Variants in AR observed in about 807,000 individuals in gnomAD.
AR encodes dihydrotestosterone receptor.
AR carries 8 observed loss-of-function variants against 53.9 expected under a neutral mutation model. The observed-to-expected ratio is 0.15, with a 90% CI of 0.09 to 0.27. The LOEUF (loss-of-function observed/expected upper bound fraction) is 0.27. AR is among the 10% of genes least tolerant of loss of function. AR has a pLI of 1.00. For missense variants in AR, 639 were observed against 742.5 expected (o/e 0.86, Z 1.62); for synonymous variants, 359 against 316.4 (o/e 1.13, Z -1.43).
At chrX:67,705,192 G>C (rs1229086167) in intron 3 of AR, among the ~76,000 whole-genome samples, 4 of 111,588 alleles carry the variant, frequency 3.6e-5, no homozygotes, top group Non-Finnish European at 7.5e-5. Context: ...GAAAGTCATT[G>C]ATAGCTTGAT....
Position 67,546,554 on chromosome X carries a change from G to A in AR, c.1408G>A (p.Gly470Ser). ...GGGGGGGGGG[G>S]GGGEAGAVAP... is the part of the protein sequence containing the mutation. ...CGGCGGCGGCGGCGGCGGCGGCGGC[G>A]GCGGCGGCGGCGAGGCGGGAGCTGT... The change falls in exon 1 of 8, where the codon GGC becomes AGC. Residue 470 changes from glycine to serine, a missense_variant. Physicochemically the swap from Gly to Ser is moderately conservative, Grantham distance 56 (BLOSUM62 0). This residue lies in a region of AR where 423 missense variants were observed against 377.0 expected (regional missense o/e 1.12). Coordinates refer to ENST00000374690, the MANE Select transcript of AR (RefSeq NM_000044.6). 1.0e-6 allele frequency: 1 copy of A among 970,382 alleles called. No homozygotes were observed. Among genetic ancestry groups the A allele is most frequent in the Non-Finnish European group, 1.3e-6 (1 of 767,422 alleles). 80.0% of individuals were successfully genotyped at this position (970,382 alleles called of 1,213,427 possible). A position where few individuals can be genotyped will look rare whatever the true frequency, so the allele number is the denominator to read the frequency against.
chrX:67,560,892 G>T (rs908561585), intron 1 of AR, among the ~76,000 whole-genome samples: 1 of 111,896 alleles, frequency 8.9e-6, no homozygotes, highest in African/African-American at 3.2e-5. Context: ...ACACAATATG[G>T]TTGAAAGAAT....
chrX:67,567,435 G>A (rs1025781601), intron 1 of AR, among the ~76,000 whole-genome samples: 2 of 111,158 alleles, frequency 1.8e-5, no homozygotes, highest in African/African-American at 6.5e-5. Flanking sequence ...CTTCCTTTCC[G>A]AGAGTCCTTT....
intron 2 of AR, among the ~76,000 whole-genome samples, chrX:67,661,811 C>T (rs901274501): frequency 9.0e-6 from 1 of 111,365 alleles, no homozygotes; most frequent in Admixed American, 9.6e-5. Context: ...GCTGTGAATC[C>T]ATCTGGTTCT....
In AR at chrX:67,545,407, G is replaced by T. The variant is rs62636529; in HGVS notation, c.261G>T (p.Gln87His). The T allele has an allele frequency of 8.4e-7, 1 of 1,195,714 alleles. No individual in the cohort carries two copies. Residue 87 changes from glutamine to histidine, a missense_variant, in exon 1 of 8, where the codon CAG (glutamine) becomes CAT (histidine). Physicochemically the swap from Gln to His is conservative, Grantham distance 24 (BLOSUM62 0). Transcript: ENST00000374690. ...AGCAAGAGACTAGCCCCAGGCAGCAGCAGCAGCAGCAGGGTGAGGATGGTT... is the reference window on the plus strand; with the variant it reads ...AGCAAGAGACTAGCCCCAGGCAGCATCAGCAGCAGCAGGGTGAGGATGGTT... The part of the protein sequence containing the change: ...QQQQETSPRQ[Q>H]QQQQGEDGSP...
At chrX:67,648,780 A>T (rs1157601656) in intron 2 of AR, among the ~76,000 whole-genome samples, 2 of 112,378 alleles carry the variant, frequency 1.8e-5, no homozygotes, top group African/African-American at 6.5e-5. Context: ...TTATGTAAAT[A>T]TCTGTAATGC....
In AR at chrX:67,728,943, G is replaced by A. The variant is rs1393344114; in HGVS notation, c.*5102G>A. On this transcript the variant is annotated 3_prime_UTR_variant, in exon 8 of 8. Coordinates refer to ENST00000374690, the MANE Select transcript of AR (RefSeq NM_000044.6). ...TACCACAGGGAAGGCCCAAACTTGG[G>A]GCCAAAAGCCTACCCAAGTGATTGA... The A allele has an allele frequency of 1.7e-5, 3 of 172,105 alleles. No individual in the cohort carries two copies. The highest frequency in any genetic ancestry group is 5.9e-5 in the African/African-American group (2 of 33,652). The allele number at this position is 172,105 out of a possible 1,213,427, so 14.2% of individuals were successfully genotyped here. A position where few individuals can be genotyped will look rare whatever the true frequency, so the allele number is the denominator to read the frequency against.
At chrX:67,622,950 T>C (rs1924447320) in intron 1 of AR, among the ~76,000 whole-genome samples, 1 of 111,603 alleles carries the variant, frequency 9.0e-6, no homozygotes, top group South Asian at 3.7e-4. Flanking sequence ...CATCTTTATA[T>C]ATGCATCATT....
intron 3 of AR, among the ~76,000 whole-genome samples, chrX:67,691,866 G>A (rs2075997138): frequency 8.9e-6 from 1 of 111,928 alleles, no homozygotes; most frequent in African/African-American, 3.2e-5. Flanking sequence ...AACTGTCCTA[G>A]GCCAAAGCAT....
At chrX:67,710,083 C>CGT (rs760335443) in intron 3 of AR, among the ~76,000 whole-genome samples, 139 of 106,479 alleles carry the variant, frequency 1.3e-3, no homozygotes, top group Middle Eastern at 9.4e-3. Flanking sequence ...TGTGAGTGTG[C>CGT]GTGTGTGTGT....
rs1373248198 is a variant in AR at position 67,545,552 on chromosome X, G to A, written c.406G>A (p.Gly136Arg). The A allele has an allele frequency of 8.5e-7, 1 of 1,182,603 alleles. No homozygotes were observed. Among genetic ancestry groups the A allele is most frequent in the Non-Finnish European group, 1.1e-6 (1 of 880,930 alleles). ...CGAGAGAGGTTGCGTCCCAGAGCCT[G>A]GAGCCGCCGTGGCCGCCAGCAAGGG... ...HPERGCVPEP[G>R]AAVAASKGLP... The change falls in exon 1 of 8, where the codon GGA (glycine) becomes AGA (arginine). Residue 136 changes from glycine (G) to arginine (R), a missense_variant. By Grantham distance (125) the Gly-to-Arg change is moderately radical. Around this residue, in one of 5 missense-constraint regions of AR, gnomAD observed 423 missense variants for 377.0 expected, o/e 1.12. Transcript: ENST00000374690.
intron 2 of AR, among the ~76,000 whole-genome samples, chrX:67,647,561 G>T (rs1427341400): frequency 8.9e-6 from 1 of 111,990 alleles, no homozygotes; most frequent in Non-Finnish European, 1.9e-5. Flanking sequence ...AAGAGGATCT[G>T]CTTGCAGCTT....
At chrX:67,656,323 C>T (rs933132288) in intron 2 of AR, among the ~76,000 whole-genome samples, 2 of 111,131 alleles carry the variant, frequency 1.8e-5, no homozygotes, top group Non-Finnish European at 1.9e-5. Context: ...TCAGTTGCAG[C>T]TTTAGCACTA....
chrX:67,666,064 A>T (rs369757311), intron 2 of AR, among the ~76,000 whole-genome samples: 2 of 111,608 alleles, frequency 1.8e-5, no homozygotes, highest in African/African-American at 6.5e-5. Context: ...TTGTGATACA[A>T]ACAATCCAAT....
intron 3 of AR, among the ~76,000 whole-genome samples, chrX:67,708,154 C>T (rs1046179974): frequency 1.2e-4 from 13 of 111,169 alleles, no homozygotes; most frequent in Admixed American, 4.8e-4. Context: ...ATCTTTGTGG[C>T]GTTCTCTGTA....
At chrX:67,709,145 G>T (rs2076082361) in intron 3 of AR, among the ~76,000 whole-genome samples, 1 of 111,912 alleles carries the variant, frequency 8.9e-6, no homozygotes, top group Non-Finnish European at 1.9e-5. Context: ...TGTGCTGGGA[G>T]AACCACTACT....
chrX:67,686,525 C>T (rs187385376), intron 3 of AR, among the ~76,000 whole-genome samples: 36 of 110,611 alleles, frequency 3.3e-4, no homozygotes, highest in African/African-American at 1.1e-3. Context: ...CAGGCATAGG[C>T]GCAGGATGAC....
intron 1 of AR, among the ~76,000 whole-genome samples, chrX:67,627,872 A>G (rs1924783499): frequency 8.9e-6 from 1 of 111,921 alleles, no homozygotes; most frequent in Non-Finnish European, 1.9e-5. Context: ...CAGTTTTTCC[A>G]GCACCATTTA....
intron 1 of AR, among the ~76,000 whole-genome samples, chrX:67,560,616 G>A (rs1326067645): frequency 9.0e-6 from 1 of 111,612 alleles, no homozygotes; most frequent in African/African-American, 3.3e-5. Flanking sequence ...TTTAAATCTG[G>A]TGTTCAAGTC....
Sources: gnomAD v4.1 joint callset for allele counts (sites outside exome capture counted in the v4.1 genomes callset) on GRCh38, gnomAD v4.1.1 for gene constraint, gnomAD v4.1.1 regional missense constraint, MANE v1.5 for transcripts, NCBI Gene and HGNC (gene_info 2026-07-23, HGNC 2026-07-21) for gene names.